Variants in AKR1C3 observed in about 807,000 individuals in gnomAD.
AKR1C3 encodes the protein aldo-keto reductase family 1 member C3.
In AKR1C3, 48 loss-of-function variants were observed where a neutral mutation model predicts 43.6. The ratio of observed to expected loss-of-function variants is 1.10; its 90% confidence interval spans 0.87 to 1.40. The LOEUF (loss-of-function observed/expected upper bound fraction) is 1.40, where lower values mean the gene tolerates loss of function less well. Among genes scored for constraint, AKR1C3 ranks in the 40% most tolerant of loss-of-function variants. The probability of loss-of-function intolerance (pLI) is 0.00; values close to 1 mark genes in which losing one functional copy is unlikely to be tolerated. For synonymous variants in AKR1C3, 162 were observed against 139.6 expected (o/e 1.16, Z -1.13); for missense variants, 482 against 391.2 (o/e 1.23, Z -1.96).
intron 1 of AKR1C3, among the ~76,000 whole-genome samples, chr10:5,083,861 G>C (rs374250457): frequency 4.6e-5 from 7 of 152,018 alleles, no homozygotes; most frequent in Non-Finnish European, 8.8e-5. Context: ...TATTTTTTGG[G>C]TGCATAAATG....
At chr10:5,054,163 G>C (rs1349787364) in intron 1 of AKR1C3, among the ~76,000 whole-genome samples, 1 of 152,096 alleles carries the variant, frequency 6.6e-6, no homozygotes, top group Non-Finnish European at 1.5e-5. Flanking sequence ...TCCTTTCTCA[G>C]CAGTGAGGAG....
chr10:5,085,628 T>C (rs1475259464), intron 1 of AKR1C3, among the ~76,000 whole-genome samples: 2 of 151,922 alleles, frequency 1.3e-5, no homozygotes, highest in South Asian at 4.2e-4. Context: ...TTCTATTGAT[T>C]GGAATAGTTT....
At chr10:5,092,158 A>G (rs1588351245), upstream of AKR1C3, among the ~76,000 whole-genome samples, 1 of 152,234 alleles carries the variant, frequency 6.6e-6, no homozygotes, top group East Asian at 1.9e-4. Context: ...GATCATCTTG[A>G]ACAGAATTTA....
chr10:5,063,512 G>A (rs1838423721), intron 1 of AKR1C3, among the ~76,000 whole-genome samples: 1 of 151,976 alleles, frequency 6.6e-6, no homozygotes, highest in South Asian at 2.1e-4. Flanking sequence ...AATGGCACAA[G>A]TAGCTGGGAG....
intron 1 of AKR1C3, chr10:5,082,020 C>T (rs1838848477): frequency 6.6e-6 from 1 of 152,174 alleles, no homozygotes; most frequent in Admixed American, 6.5e-5. Flanking sequence ...TTAGAAGGAT[C>T]ATTGTACTTT....
At chr10:5,079,368 CAG>C (rs143316813) in intron 1 of AKR1C3, among the ~76,000 whole-genome samples, 2,670 of 152,208 alleles carry the variant, frequency 0.018, 69 homozygotes, top group African/African-American at 0.06. Context: ...GGCTACAATT[CAG>C]AGAGGCTGCA....
chr10:5,061,485 G>T (rs1226643635), intron 1 of AKR1C3, among the ~76,000 whole-genome samples: 2 of 152,190 alleles, frequency 1.3e-5, no homozygotes, highest in Non-Finnish European at 1.5e-5. Flanking sequence ...AGGGCACACA[G>T]CCAGAAGAAA....
chr10:5,088,023 T>C (rs1355271052), intron 1 of AKR1C3, among the ~76,000 whole-genome samples: 3 of 152,178 alleles, frequency 2.0e-5, no homozygotes, highest in Non-Finnish European at 4.4e-5. Flanking sequence ...ATGTTGTATG[T>C]CTATTTTCAT....
At chr10:5,101,506 T>G (rs2131846276) in intron 5 of AKR1C3, among the ~76,000 whole-genome samples, 1 of 152,302 alleles carries the variant, frequency 6.6e-6, no homozygotes, top group Admixed American at 6.5e-5. Context: ...TCCTAAGAGA[T>G]TACTATAATA....
chr10:5,080,972 T>C (rs1838824897), intron 1 of AKR1C3: 1 of 150,732 alleles, frequency 6.6e-6, no homozygotes, highest in Admixed American at 6.6e-5. Flanking sequence ...TTTTGGCAGA[T>C]AGAGGGCTGA....
chr10:5,049,099 T>C (rs1304421116), intron 1 of AKR1C3, among the ~76,000 whole-genome samples: 1 of 134,188 alleles, frequency 7.5e-6, no homozygotes, highest in African/African-American at 3.0e-5. Context: ...GGTCATCTAC[T>C]GTTTATTTGG....
intron 7 of AKR1C3, 28 bp downstream of exon 7, chr10:5,102,678 T>G (rs1554786314): frequency 1.4e-6 from 2 of 1,449,344 alleles, no homozygotes; most frequent in South Asian, 1.5e-5. Context: ...GGGCCTCAGG[T>G]CTCCTGCACA....
intron 1 of AKR1C3, among the ~76,000 whole-genome samples, chr10:5,059,893 C>T (rs868981329): frequency 2.0e-5 from 3 of 152,024 alleles, no homozygotes; most frequent in South Asian, 2.1e-4. Flanking sequence ...AGAATGAAGC[C>T]GCGGACCCTC....
At chr10:5,088,016 T>G (rs959539077) in intron 1 of AKR1C3, among the ~76,000 whole-genome samples, 4 of 152,150 alleles carry the variant, frequency 2.6e-5, no homozygotes, top group Non-Finnish European at 5.9e-5. Flanking sequence ...TTTTGGCATG[T>G]TGTATGTCTA....
rs4468247 is a variant in AKR1C3, at chr10:5,085,848, C to A, written c.85-10562C>A. Among the ~76,000 whole-genome samples, 1,215 of 151,912 alleles carry A rather than the reference C, an allele frequency of 8.0e-3. 10 individuals are homozygous for A. The highest frequency in any genetic ancestry group is 0.012 in the Non-Finnish European group (829 of 68,010). On this transcript the variant is annotated intron_variant, in intron 1 of 8. Coordinates refer to the AKR1C3 transcript ENST00000439082. Reference sequence around the variant, plus strand: ...AGTTTATCCATTTCTTCTAGATTTTCTAGTTTATTTGCATAGAGGTGTTTA... The same window carrying A: ...AGTTTATCCATTTCTTCTAGATTTTATAGTTTATTTGCATAGAGGTGTTTA...
chr10:5,107,147 G>T (rs1839525660), intron 8 of AKR1C3, among the ~76,000 whole-genome samples: 1 of 152,076 alleles, frequency 6.6e-6, no homozygotes, highest in Non-Finnish European at 1.5e-5. Flanking sequence ...GACAGTAGCA[G>T]GTAATAAGTA....
At chr10:5,086,891 A>C (rs1588348260) in intron 1 of AKR1C3, among the ~76,000 whole-genome samples, 1 of 152,038 alleles carries the variant, frequency 6.6e-6, no homozygotes, top group Non-Finnish European at 1.5e-5. Flanking sequence ...TGAGACTAGG[A>C]TTGCAACCCC....
At chr10:5,069,108 C>CAGTT (rs1838566688) in intron 1 of AKR1C3, among the ~76,000 whole-genome samples, 1 of 151,844 alleles carries the variant, frequency 6.6e-6, no homozygotes, top group African/African-American at 2.4e-5. Context: ...ATTATTAAAC[C>CAGTT]AATTTAAAAC....
intron 8 of AKR1C3, among the ~76,000 whole-genome samples, chr10:5,106,894 T>TA: frequency 7.5e-6 from 1 of 132,836 alleles, no homozygotes; most frequent in South Asian, 2.4e-4. Context: ...TGTTAATATT[T>TA]TTTTAGTTTC....
Sources: gnomAD v4.1 joint callset for allele counts (sites outside exome capture counted in the v4.1 genomes callset) on GRCh38, gnomAD v4.1.1 for gene constraint, MANE v1.5 for transcripts, NCBI Gene and HGNC (gene_info 2026-07-23, HGNC 2026-07-21) for gene names.